Variants in TSPOAP1 observed in about 807,000 individuals in gnomAD.
TSPOAP1 encodes the protein peripheral-type benzodiazepine receptor-associated protein 1.
TSPOAP1 carries 87 observed loss-of-function variants against 197.0 expected under a neutral mutation model. The observed-to-expected ratio is 0.44, with a 90% CI of 0.37 to 0.53. The LOEUF (loss-of-function observed/expected upper bound fraction) is 0.53, where lower values mean the gene tolerates loss of function less well. Among genes scored for constraint, TSPOAP1 ranks in the 20% least tolerant of loss-of-function variants. The pLI, the probability that TSPOAP1 is intolerant of heterozygous loss-of-function variation, is 0.00. For synonymous variants in TSPOAP1, 913 were observed against 998.9 expected, an observed-to-expected ratio of 0.91 and a Z score of 1.62; for missense variants, 2,174 against 2,411.3, an observed-to-expected ratio of 0.90 and a Z score of 2.06.
chr17:58,307,720 AG>A lies in TSPOAP1; in HGVS notation c.4873del (p.Leu1625TyrfsTer36), dbSNP rs756773506. On this transcript the variant is annotated frameshift_variant, in exon 24 of 32. Coordinates refer to ENST00000343736, the MANE Select transcript of TSPOAP1 (RefSeq NM_004758.4). LOFTEE classifies it high-confidence loss of function. ...CAGAGCCACAAAGATCCTGACGGGT[AG>A]GTGCTGGTAAGCCAGTGTTTCTGAG... is the stretch of plus-strand genomic sequence containing the variant. Reference protein sequence around the residue: ...SPSETLAYQHLPVRIFVALFD... With the variant: ...SPSETLAYQHXPVRIFVALFD... 6.2e-7 allele frequency: 1 copy of A among 1,614,172 alleles called. No homozygotes were observed. Among genetic ancestry groups the A allele is most frequent in the Non-Finnish European group, 8.5e-7 (1 of 1,180,018 alleles).
intron 26 of TSPOAP1, among the ~76,000 whole-genome samples, 195 bp from the exon 27 acceptor site, chr17:58,306,060 G>A (rs770465278): frequency 6.6e-6 from 1 of 152,182 alleles, no homozygotes; most frequent in South Asian, 2.1e-4. Context: ...TGGGATTCAC[G>A]GATTTTATAG....
At chr17:58,316,740 GC>G (rs1312414932) in intron 14 of TSPOAP1, among the ~76,000 whole-genome samples, 200 bp from the exon 15 acceptor site, 2 of 152,240 alleles carry the variant, frequency 1.3e-5, no homozygotes, top group Non-Finnish European at 2.9e-5. Flanking sequence ...GCAGAGCCCA[GC>G]TGCCCTGGGC....
chr17:58,303,682 CTG>C (rs1951076804), intron 31 of TSPOAP1: 2 of 152,348 alleles, frequency 1.3e-5, no homozygotes, highest in Admixed American at 1.3e-4. Context: ...GAGTCTTGCT[CTG>C]TCACCCAGGC....
At chr17:58,303,154 C>G (rs2144016496) in intron 31 of TSPOAP1, 1 of 152,612 alleles carries the variant, frequency 6.6e-6, no homozygotes, top group East Asian at 1.9e-4. Flanking sequence ...TGCCTCAAGC[C>G]CGCCCAGACG....
In TSPOAP1 at chr17:58,302,188, T is replaced by C; in HGVS notation, c.*292A>G. 1 of 1,223,092 alleles carries C rather than the reference T, an allele frequency of 8.2e-7. No individual in the cohort carries two copies. Among genetic ancestry groups the C allele is most frequent in the South Asian group, 1.3e-5 (1 of 75,158 alleles). 75.8% of individuals were successfully genotyped at this position (1,223,092 alleles called of 1,614,324 possible). A position where few individuals can be genotyped will look rare whatever the true frequency, so the allele number is the denominator to read the frequency against. On this transcript the variant is annotated 3_prime_UTR_variant, in exon 32 of 32. Coordinates refer to ENST00000343736, the MANE Select transcript of TSPOAP1 (RefSeq NM_004758.4). ...AGAAGAACGGGGGCTCTGGGCCCAG[T>C]CTGAGCCTTCCCTGCTCAGCAGAGA... is the stretch of plus-strand genomic sequence containing the variant.
At position 58,326,517 on chromosome 17, in the gene TSPOAP1, G is replaced by T. The variant is rs2143160983; in HGVS notation, c.442-96C>A. ...CTTGGGCTAGAGCCCTAGGCTCACA[G>T]TGGGGTCCTTGGCAACTCTAGGCAG... On this transcript the variant is annotated intron_variant, in intron 2 of 31. Coordinates refer to ENST00000343736, the MANE Select transcript of TSPOAP1 (RefSeq NM_004758.4). The surrounding 1 kb of genome is among the most constrained non-coding windows in gnomAD (Gnocchi z 4.7). 6.4e-7 allele frequency: 1 copy of T among 1,567,446 alleles called. No individual in the cohort carries two copies. Among genetic ancestry groups the T allele is most frequent in the South Asian group, 1.2e-5 (1 of 84,756 alleles).
rs551566964 is a variant in TSPOAP1 at position 58,324,759 on chromosome 17, C to T, written c.942+52G>A. ...TGCAGGGGAGATCCCGGTGGTCGTT[C>T]CCCCCACCCATCTGCACGCACCCAC... On this transcript the variant is annotated intron_variant, in intron 5 of 31. Coordinates refer to ENST00000343736, the MANE Select transcript of TSPOAP1 (RefSeq NM_004758.4). This position sits in a 1 kb window ranked among gnomAD's most constrained non-coding sequence, Gnocchi z 5.8. 4.2e-4 allele frequency: 533 copies of T among 1,263,222 alleles called. 6 individuals are homozygous for T. The South Asian group carries it at 0.01, about 25-fold the overall frequency. 78.3% of individuals were successfully genotyped at this position (1,263,222 alleles called of 1,614,324 possible).
Position 58,322,055 on chromosome 17 carries a change from T to C in TSPOAP1, c.1422+253A>G. 2.0e-6 allele frequency: 1 copy of C among 511,026 alleles called. No individual in the cohort carries two copies. The highest frequency in any genetic ancestry group is 3.5e-6 in the Non-Finnish European group (1 of 287,802). 31.7% of individuals were successfully genotyped at this position (511,026 alleles called of 1,614,324 possible). A position where few individuals can be genotyped will look rare whatever the true frequency, so the allele number is the denominator to read the frequency against. On this transcript the variant is annotated intron_variant, in intron 10 of 31. Coordinates refer to ENST00000343736, the MANE Select transcript of TSPOAP1 (RefSeq NM_004758.4). The surrounding 1 kb of genome is among the most constrained non-coding windows in gnomAD (Gnocchi z 5.0). ...CAGGGAGGCCTTCCCTGATGACCTCTAAAGTGGCTCCTCACCCCATCCCAG... is the reference window on the plus strand; with the variant it reads ...CAGGGAGGCCTTCCCTGATGACCTCCAAAGTGGCTCCTCACCCCATCCCAG...
In TSPOAP1 at chr17:58,326,822, C is replaced by G. The variant is rs1253134750; in HGVS notation, c.334-32G>C. 1.3e-6 allele frequency: 2 copies of G among 1,582,872 alleles called. No individual in the cohort carries two copies. Among genetic ancestry groups the G allele is most frequent in the Non-Finnish European group, 1.7e-6 (2 of 1,152,216 alleles). On this transcript the variant is annotated intron_variant, in intron 1 of 31. Transcript: ENST00000343736. The surrounding 1 kb of genome is among the most constrained non-coding windows in gnomAD (Gnocchi z 4.7). ...TGGGAAAGGACCGAGGACAGCACCTCAGAAACCCACGTCACCCAGCCAGAG... is the reference window on the plus strand; with the variant it reads ...TGGGAAAGGACCGAGGACAGCACCTGAGAAACCCACGTCACCCAGCCAGAG...
chr17:58,308,876 C>T lies in TSPOAP1; in HGVS notation c.4396G>A (p.Gly1466Arg), dbSNP rs552840956. 2.8e-5 allele frequency: 45 copies of T among 1,604,326 alleles called. No individual in the cohort carries two copies. The highest frequency in any genetic ancestry group is 8.9e-5 in the South Asian group (8 of 90,110). The change falls in exon 22 of 32, where the codon GGG becomes AGG. Residue 1466 changes from glycine (G) to arginine (R), a missense_variant. Coordinates refer to ENST00000343736, the MANE Select transcript of TSPOAP1 (RefSeq NM_004758.4). ...EGPRTGLEAS[G>R]RGRLGPSRRC... is the part of the protein sequence containing the mutation. ...CGGGAAGGGCCCAGCCGGCCTCTCC[C>T]GCTAGCCTCTAGTCCAGTCCTGGGG...
chr17:58,328,095 C>T lies in TSPOAP1; in HGVS notation c.-175G>A, dbSNP rs1598089458. 1.6e-6 allele frequency: 1 copy of T among 632,970 alleles called. No homozygotes were observed. The highest frequency in any genetic ancestry group is 2.7e-6 in the Non-Finnish European group (1 of 369,096). The allele number at this position is 632,970 out of a possible 1,614,324, so 39.2% of individuals were successfully genotyped here. On this transcript the variant is annotated 5_prime_UTR_variant, in exon 1 of 32. Coordinates refer to ENST00000343736, the MANE Select transcript of TSPOAP1 (RefSeq NM_004758.4). The surrounding 1 kb of genome is among the most constrained non-coding windows in gnomAD (Gnocchi z 4.3). ...CCCACAAAGGAGGCTGCAGAAGGCG[C>T]CAGGGCTGCTGGAGCTGGAGCCAGG...
chr17:58,319,918 C>T (rs1029813536), intron 12 of TSPOAP1, among the ~76,000 whole-genome samples, 191 bp downstream of exon 12: 5 of 150,842 alleles, frequency 3.3e-5, no homozygotes, highest in South Asian at 4.1e-4. Flanking sequence ...CTGACAGACA[C>T]GGCGGCAGGC....
intron 14 of TSPOAP1, among the ~76,000 whole-genome samples, chr17:58,318,071 G>T (rs531039115): frequency 1.5e-3 from 236 of 152,322 alleles, no homozygotes; most frequent in Middle Eastern, 3.4e-3. Flanking sequence ...GTGGCCCCAG[G>T]TGGGGCTTGC....
Position 58,305,441 on chromosome 17 carries a change from C to G in TSPOAP1, c.5379G>C (p.Arg1793=). ...NMDVEAELPF[R]AGDVITVFGG... The stretch of plus-strand genomic sequence containing the variant: ...CAAACACAGTAATGACATCCCCTGC[C>G]CGGAAGGGCAGCTCTGCCTGTGGAA... The change falls in exon 29 of 32, where the codon CGG becomes CGC. Residue 1793 remains arginine, a synonymous_variant. Coordinates refer to ENST00000343736, the MANE Select transcript of TSPOAP1 (RefSeq NM_004758.4). 6.2e-7 allele frequency: 1 copy of G among 1,613,994 alleles called. No individual in the cohort carries two copies. The highest frequency in any genetic ancestry group is 1.7e-4 in the Middle Eastern group (1 of 6,058).
intron 26 of TSPOAP1, 90 bp downstream of exon 26, chr17:58,306,252 A>T (rs1303183927): frequency 1.0e-5 from 13 of 1,298,544 alleles, no homozygotes; most frequent in Non-Finnish European, 1.3e-5. Flanking sequence ...ACATCCTCCC[A>T]GCACCTGAGA....
chr17:58,313,176 C>A (rs1414260241), intron 16 of TSPOAP1, among the ~76,000 whole-genome samples: 2 of 151,838 alleles, frequency 1.3e-5, no homozygotes, highest in Non-Finnish European at 2.9e-5. Flanking sequence ...AGCAAATATG[C>A]CAAAGTTTTA....
Position 58,319,221 on chromosome 17 carries a change from T to C in TSPOAP1, c.1568A>G (p.Gln523Arg). Reference protein sequence around the residue: ...EQFSLLAQELQAFRLHPGPLD... With the variant: ...EQFSLLAQELRAFRLHPGPLD... ...GGGGCCCGGGTGCAGGCGGAAAGCC[T>C]GGAGTTCCTGTGCCAGGAGGCTGAA... is the stretch of plus-strand genomic sequence containing the variant. The change falls in exon 13 of 32, where the codon CAG (glutamine) becomes CGG (arginine). Residue 523 changes from glutamine to arginine, a missense_variant. Physicochemically the swap from Gln to Arg is conservative, Grantham distance 43 (BLOSUM62 1). Coordinates refer to ENST00000343736, the MANE Select transcript of TSPOAP1 (RefSeq NM_004758.4). 1.3e-6 allele frequency: 2 copies of C among 1,598,556 alleles called. No individual in the cohort carries two copies. The highest frequency in any genetic ancestry group is 2.3e-5 in the South Asian group (2 of 88,260).
chr17:58,308,632 T>G lies in TSPOAP1; in HGVS notation c.4640A>C (p.Lys1547Thr), dbSNP rs1267187043. Residue 1547 changes from lysine to threonine, a missense_variant, in exon 22 of 32, where the codon AAG (lysine) becomes ACG (threonine). Lys to Thr is a moderately conservative substitution (Grantham distance 78). Around this residue, in one of 5 missense-constraint regions of TSPOAP1, gnomAD observed 1,933 missense variants for 2,139.0 expected, o/e 0.90. Transcript: ENST00000343736. ...CCAGGCTGGGAGGCGTGGGTAGGGCTTGGGGCCTGAATTGGCCTTCGGAGG... is the reference window on the plus strand; with the variant it reads ...CCAGGCTGGGAGGCGTGGGTAGGGCGTGGGGCCTGAATTGGCCTTCGGAGG... ...RGPPKANSGP[K>T]PYPRLPAWEK... 8 of 1,608,112 alleles carry G rather than the reference T, an allele frequency of 5.0e-6. No homozygotes were observed. The South Asian group carries it at 7.7e-5, about 15-fold the overall frequency.
rs781638492 is a variant in TSPOAP1 at position 58,305,980 on chromosome 17, C to G, written c.5225-115G>C. ...CAAGGAGGCAGGCAAGGAAGGCTGC[C>G]GAGGGCGCATCTCCCCAACCCTTTT... On this transcript the variant is annotated intron_variant, in intron 26 of 31. Transcript: ENST00000343736. The G allele has an allele frequency of 4.1e-6, 5 of 1,218,426 alleles. No homozygotes were observed. In the East Asian group the frequency reaches 7.2e-5, roughly 17 times the overall value. 75.5% of individuals were successfully genotyped at this position (1,218,426 alleles called of 1,614,324 possible).
Sources: gnomAD v4.1 joint callset for allele counts (sites outside exome capture counted in the v4.1 genomes callset) on GRCh38, gnomAD v4.1.1 for gene constraint, gnomAD v4.1.1 regional missense constraint, Gnocchi (gnomAD v3.1) non-coding constraint, MANE v1.5 for transcripts, NCBI Gene and HGNC (gene_info 2026-07-23, HGNC 2026-07-21) for gene names.